The following BCAR1 variants were observed in gnomAD, a reference collection of about 807,000 sequenced individuals.
BCAR1 encodes the protein BCAR1 scaffold protein, Cas family member, also known as breast cancer anti-estrogen resistance protein 1.
A neutral mutation model predicts 67.6 loss-of-function variants in BCAR1; 30 were observed. The observed-to-expected ratio is 0.44, with a 90% CI of 0.33 to 0.60. The LOEUF is 0.60. Ranked by LOEUF, BCAR1 falls within the 20% of genes least tolerant of loss-of-function variation. The pLI, the probability that BCAR1 is intolerant of heterozygous loss-of-function variation, is 0.02. For synonymous variants in BCAR1, 626 were observed against 556.7 expected (o/e 1.12, Z -1.75); for missense variants, 1,313 against 1,222.3 (o/e 1.07, Z -1.11).
At position 75,237,331 on chromosome 16, in the gene BCAR1, G is replaced by A; in HGVS notation, c.647C>T (p.Thr216Ile). 3 of 1,467,960 alleles carry A rather than the reference G, an allele frequency of 2.0e-6. No individual in the cohort carries two copies. The highest frequency in any genetic ancestry group is 2.7e-6 in the Non-Finnish European group (3 of 1,111,708). 90.9% of individuals were successfully genotyped at this position (1,467,960 alleles called of 1,614,324 possible). ...TKPPAKVVVPTRVGQGYVYEA... is the reference protein window; with the variant it reads ...TKPPAKVVVPIRVGQGYVYEA... ...GTATACATAGCCCTGCCCCACGCGGGTGGGCACCACCACCTGGGGGCAGAG... is the reference window on the plus strand; with the variant it reads ...GTATACATAGCCCTGCCCCACGCGGATGGGCACCACCACCTGGGGGCAGAG... Residue 216 changes from threonine to isoleucine, a missense_variant, in exon 3 of 7, where the codon ACC (threonine) becomes ATC (isoleucine). By Grantham distance (89) the Thr-to-Ile change is moderately conservative. Transcript: ENST00000162330.
At chr16:75,258,187 G>A (rs543908241) in intron 1 of BCAR1, among the ~76,000 whole-genome samples, 40 of 152,298 alleles carry the variant, frequency 2.6e-4, no homozygotes, top group African/African-American at 5.3e-4. Context: ...AGCCCATCCC[G>A]CAACCAAGCC....
chr16:75,233,822 C>T (rs1313911979), intron 6 of BCAR1, 24 bp downstream of exon 6: 1 of 1,579,956 alleles, frequency 6.3e-7, no homozygotes. Flanking sequence ...CAAAGCTGGG[C>T]CTTGCTCTGC....
intron 3 of BCAR1, 60 bp from the exon 4 acceptor site, chr16:75,237,058 T>TGGGAAC: frequency 6.5e-7 from 1 of 1,537,318 alleles, no homozygotes; most frequent in East Asian, 2.3e-5. Context: ...ATAGGAAAGG[T>TGGGAAC]GGGAACCCCG....
chr16:75,259,731 A>C (rs1188313192), intron 1 of BCAR1, among the ~76,000 whole-genome samples: 1 of 151,814 alleles, frequency 6.6e-6, no homozygotes, highest in Non-Finnish European at 1.5e-5. Flanking sequence ...AGGCGCCTGT[A>C]ATCCCAGCTA....
intron 1 of BCAR1, 55 bp from the exon 2 acceptor site, chr16:75,243,145 G>T: frequency 6.6e-7 from 1 of 1,517,740 alleles, no homozygotes; most frequent in Non-Finnish European, 8.9e-7. Flanking sequence ...GGGCGTCAGG[G>T]GCTCCCCAGC....
chr16:75,233,054 G>A (rs1304943106), intron 6 of BCAR1, among the ~76,000 whole-genome samples: 2 of 152,098 alleles, frequency 1.3e-5, no homozygotes, highest in African/African-American at 4.8e-5. Flanking sequence ...CTATTAACAT[G>A]TCTGCATATA....
chr16:75,229,319 C>A lies in BCAR1; in HGVS notation c.*192G>T, dbSNP rs75627144. ...CCACTGGCCGGCCCCTGGGCTTCGG[C>A]TCCTGAGGAGGCATGGCCCCACACC... On this transcript the variant is annotated 3_prime_UTR_variant, in exon 7 of 7. Transcript: ENST00000162330. The A allele has an allele frequency of 1.4e-3, 1,328 of 967,794 alleles. 8 individuals carry two copies. In the African/African-American group the frequency reaches 0.02, roughly 15 times the overall value. 60.0% of individuals were successfully genotyped at this position (967,794 alleles called of 1,614,324 possible).
chr16:75,241,258 G>A (rs1260873760), intron 2 of BCAR1, among the ~76,000 whole-genome samples: 1 of 152,184 alleles, frequency 6.6e-6, no homozygotes, highest in African/African-American at 2.4e-5. Context: ...TCCATTTATG[G>A]GGTATGGGAT....
chr16:75,251,298 G>A (rs1035799246), intron 1 of BCAR1, among the ~76,000 whole-genome samples, 173 bp downstream of exon 1: 2 of 152,060 alleles, frequency 1.3e-5, no homozygotes, highest in Non-Finnish European at 2.9e-5. Flanking sequence ...AGCCCCCGCG[G>A]TTCCTGCCTC....
intron 1 of BCAR1, among the ~76,000 whole-genome samples, chr16:75,257,824 C>G (rs541058749): frequency 4.3e-4 from 66 of 152,188 alleles, no homozygotes; most frequent in Non-Finnish European, 7.8e-4. Flanking sequence ...CCACTGGAGC[C>G]TATGCCGGCC....
upstream of BCAR1, among the ~76,000 whole-genome samples, chr16:75,254,132 C>T (rs1321648724): frequency 1.3e-5 from 2 of 152,118 alleles, no homozygotes; most frequent in Non-Finnish European, 2.9e-5. Context: ...GAGACCGAGA[C>T]CCAGTTTACC....
At chr16:75,253,724 G>A (rs1222218282), upstream of BCAR1, among the ~76,000 whole-genome samples, 2 of 152,226 alleles carry the variant, frequency 1.3e-5, no homozygotes, top group Non-Finnish European at 2.9e-5. Context: ...GCCCCACAGT[G>A]TTGATGGGGA....
chr16:75,262,274 C>T (rs982655359), intron 1 of BCAR1, among the ~76,000 whole-genome samples: 9 of 152,306 alleles, frequency 5.9e-5, no homozygotes, highest in Non-Finnish European at 1.2e-4. Flanking sequence ...ACTCAGCAGG[C>T]GGCCAGGGGC....
intron 1 of BCAR1, among the ~76,000 whole-genome samples, chr16:75,257,858 T>C (rs1265069970): frequency 6.6e-6 from 1 of 152,214 alleles, no homozygotes; most frequent in Non-Finnish European, 1.5e-5. Flanking sequence ...TCCTCTGCCC[T>C]GGGAGACCCA....
intron 1 of BCAR1, chr16:75,250,905 CTCCGCTCCCGG>C: frequency 1.0e-5 from 10 of 985,588 alleles, no homozygotes; most frequent in Non-Finnish European, 1.1e-5. Flanking sequence ...CCCACTCCCG[CTCCGCTCCCGG>C]AACCCCGCGC....
intron 1 of BCAR1, among the ~76,000 whole-genome samples, chr16:75,262,333 T>C (rs766531344): frequency 2.6e-5 from 4 of 152,070 alleles, no homozygotes; most frequent in Non-Finnish European, 5.9e-5. Context: ...CAGTCATGGG[T>C]TCTGCAGTGT....
At chr16:75,243,711 G>C (rs764089246) in intron 1 of BCAR1, among the ~76,000 whole-genome samples, 30 of 152,198 alleles carry the variant, frequency 2.0e-4, no homozygotes, top group Non-Finnish European at 3.5e-4. Flanking sequence ...AGCCGGGTAC[G>C]TGCTCCATGT....
intron 1 of BCAR1, among the ~76,000 whole-genome samples, chr16:75,261,086 A>C (rs765615134): frequency 1.7e-4 from 26 of 152,188 alleles, no homozygotes; most frequent in Non-Finnish European, 3.1e-4. Flanking sequence ...ACTTGTGACC[A>C]TCTCACCAGA....
Position 75,230,039 on chromosome 16 carries a change from A to G in BCAR1, c.2101-16T>C, listed in dbSNP as rs1444342332. 1.3e-6 allele frequency: 2 copies of G among 1,523,330 alleles called. No homozygotes were observed. The highest frequency in any genetic ancestry group is 1.3e-5 in the South Asian group (1 of 76,310). The allele number at this position is 1,523,330 out of a possible 1,614,324, so 94.4% of individuals were successfully genotyped here. On this transcript the variant is annotated splice_polypyrimidine_tract_variant and intron_variant, in intron 6 of 6. Coordinates refer to ENST00000162330, the MANE Select transcript of BCAR1 (RefSeq NM_014567.5). ...ACTGCTTCAGCTGGGGCAGGAGGGA[A>G]GCAGGAGCAGGGTTAGGCTCTCGGG... is the stretch of plus-strand genomic sequence containing the variant.
Sources: gnomAD v4.1 joint callset for allele counts (sites outside exome capture counted in the v4.1 genomes callset) on GRCh38, gnomAD v4.1.1 for gene constraint, MANE v1.5 for transcripts, NCBI Gene and HGNC (gene_info 2026-07-23, HGNC 2026-07-21) for gene names.